Variants in WDR90 observed in about 807,000 individuals in gnomAD.
The protein encoded by WDR90 is WD repeat-containing protein 90.
Under a neutral mutation model 195.2 loss-of-function variants are expected in WDR90, and 238 were observed. That is an observed-to-expected ratio of 1.22 (90% CI 1.10 to 1.36). The LOEUF (loss-of-function observed/expected upper bound fraction) is 1.36. Ranked by LOEUF, WDR90 falls within the 40% of genes most tolerant of loss-of-function variation. WDR90 has a pLI of 0.00. For synonymous variants in WDR90, 1,265 were observed against 1,052.4 expected, an observed-to-expected ratio of 1.20 and a Z score of -3.91; for missense variants, 2,734 against 2,439.5, an observed-to-expected ratio of 1.12 and a Z score of -2.54.
chr16:661,036 C>T lies in WDR90; in HGVS notation c.3392-15C>T, dbSNP rs557125859. 1.4e-5 allele frequency: 19 copies of T among 1,333,720 alleles called. No homozygotes were observed. Among genetic ancestry groups the T allele is most frequent in the Admixed American group, 9.9e-5 (4 of 40,336 alleles). The allele number at this position is 1,333,720 out of a possible 1,614,324, so 82.6% of individuals were successfully genotyped here. ...CCCCCGGCCCGGCCTCAGGCCCCGC[C>T]CTCTCTGCGCACAGGCTTCTTTGCC... On this transcript the variant is annotated splice_polypyrimidine_tract_variant and intron_variant, in intron 28 of 40. Transcript: ENST00000293879.
Position 662,207 on chromosome 16 carries a change from C to T in WDR90, c.4034-13C>T, listed in dbSNP as rs773443163. The T allele has an allele frequency of 6.5e-6, 10 of 1,540,656 alleles. No individual in the cohort carries two copies. The East Asian group carries it at 1.4e-4, about 22-fold the overall frequency. On this transcript the variant is annotated splice_polypyrimidine_tract_variant and intron_variant, in intron 32 of 40. Coordinates refer to ENST00000293879, the MANE Select transcript of WDR90 (RefSeq NM_145294.5). Reference sequence around the variant, plus strand: ...AGGCAGCCGTGGCCCCTTATGGCTCCTCCTGCCCCTAGGGCTGTTGCTGTT... The same window carrying T: ...AGGCAGCCGTGGCCCCTTATGGCTCTTCCTGCCCCTAGGGCTGTTGCTGTT...
rs2037909384 is a variant in WDR90 at position 661,362 on chromosome 16, C to T, written c.3534C>T (p.Gly1178=). The T allele has an allele frequency of 6.2e-7, 1 of 1,607,072 alleles. No homozygotes were observed. The highest frequency in any genetic ancestry group is 1.3e-5 in the African/African-American group (1 of 75,010). Residue 1178 remains glycine (G), a synonymous_variant, in exon 30 of 41, where the codon GGC becomes GGT. Coordinates refer to ENST00000293879, the MANE Select transcript of WDR90 (RefSeq NM_145294.5). ...HSAQVLASAS[G]RSSTTAHCQI... ...GCCAGGTCCTGGCCTCTGCCTCGGGCCGAAGCAGCACGACCGCCCATTGTC... is the reference window on the plus strand; with the variant it reads ...GCCAGGTCCTGGCCTCTGCCTCGGGTCGAAGCAGCACGACCGCCCATTGTC...
At position 653,382 on chromosome 16, in the gene WDR90, C is replaced by G. The variant is rs970809254; in HGVS notation, c.1164C>G (p.Cys388Trp). 4 of 1,603,276 alleles carry G rather than the reference C, an allele frequency of 2.5e-6. No individual in the cohort carries two copies. The highest frequency in any genetic ancestry group is 1.7e-4 in the Middle Eastern group (1 of 5,970). Residue 388 changes from cysteine to tryptophan, a missense_variant, in exon 11 of 41, where the codon TGC becomes TGG. Coordinates refer to ENST00000293879, the MANE Select transcript of WDR90 (RefSeq NM_145294.5). ...ACGGGGCGGCTGTCGTGTACCCCTG[C>G]CATGCGGTCATCGTCGTCCTGCTCG... ...TPDGAAVVYP[C>W]HAVIVVLLVD...
chr16:654,970 C>A, intron 13 of WDR90, 59 bp from the exon 14 acceptor site: 1 of 1,551,188 alleles, frequency 6.4e-7, no homozygotes, highest in Non-Finnish European at 8.9e-7. Flanking sequence ...CTGGGCCTTG[C>A]AGAATCGAGG....
Position 650,062 on chromosome 16 carries a change from T to C in WDR90, c.174T>C (p.Pro58=), listed in dbSNP as rs1372288249. Reference sequence around the variant, plus strand: ...CTGCCGCCAACTACATCCAGCTCCCTAAGAGCAGCACCCAGTCTCTGGGGC... The same window carrying C: ...CTGCCGCCAACTACATCCAGCTCCCCAAGAGCAGCACCCAGTCTCTGGGGC... ...SVSAANYIQL[P]KSSTQSLGLT... The change falls in exon 3 of 41, where the codon CCT becomes CCC. Residue 58 remains proline, a synonymous_variant. Transcript: ENST00000293879. 17 of 1,612,820 alleles carry C rather than the reference T, an allele frequency of 1.1e-5. No individual in the cohort carries two copies. The highest frequency in any genetic ancestry group is 1.7e-5 in the Admixed American group (1 of 60,008).
intron 1 of WDR90, 117 bp from the exon 2 acceptor site, chr16:649,646 C>G: frequency 8.4e-7 from 1 of 1,194,402 alleles, no homozygotes; most frequent in Non-Finnish European, 1.1e-6. Flanking sequence ...GTTGGCGTCG[C>G]CGGGGAAGGC....
intron 40 of WDR90, 143 bp from the exon 41 acceptor site, chr16:667,289 G>T (rs1300734793): frequency 5.2e-6 from 6 of 1,151,134 alleles, no homozygotes; most frequent in Non-Finnish European, 7.2e-6. Context: ...CCAGTGGCAC[G>T]TGGAGGGCAC....
At chr16:664,075 G>A (rs1189627151) in intron 34 of WDR90, among the ~76,000 whole-genome samples, 3 of 152,210 alleles carry the variant, frequency 2.0e-5, no homozygotes, top group Non-Finnish European at 4.4e-5. Context: ...ACAGGTGAGG[G>A]TTGTTTACTT....
chr16:662,479 T>C (rs1024153599), intron 33 of WDR90, 148 bp downstream of exon 33: 13 of 1,194,428 alleles, frequency 1.1e-5, no homozygotes, highest in Non-Finnish European at 1.4e-5. Context: ...GGGTGTGGCC[T>C]GGGCCTCACT....
At position 651,939 on chromosome 16, in the gene WDR90, CCCAG is replaced by C. The variant is rs779352663; in HGVS notation, c.955_958del (p.Gln319TrpfsTer16). On this transcript the variant is annotated frameshift_variant, in exon 9 of 41. Coordinates refer to ENST00000293879, the MANE Select transcript of WDR90 (RefSeq NM_145294.5). LOFTEE classifies it high-confidence loss of function. Reference sequence around the variant, plus strand: ...GGTTTCCATAGCCTTGAGCCCTGGGCCCAGCTGGAGGCCTCTGACATCCACACGG... The same window carrying C: ...GGTTTCCATAGCCTTGAGCCCTGGGCCTGGAGGCCTCTGACATCCACACGG... The C allele has an allele frequency of 8.1e-6, 13 of 1,608,952 alleles. No individual in the cohort carries two copies. Among genetic ancestry groups the C allele is most frequent in the Non-Finnish European group, 9.3e-6 (11 of 1,178,624 alleles).
rs755086228 is a variant in WDR90 at position 658,634 on chromosome 16, A to C, written c.2876A>C (p.Gln959Pro). Residue 959 changes from glutamine (Q) to proline (P), a missense_variant, in exon 23 of 41, where the codon CAG (glutamine) becomes CCG (proline). Coordinates refer to ENST00000293879, the MANE Select transcript of WDR90 (RefSeq NM_145294.5). ...ATCAAGGTGTGGGACTACGCCACAC[A>C]GGCCAGCCCAGGCCCCCAGGTGTGT... ...RTIKVWDYAT[Q>P]ASPGPQVYIG... is the part of the protein sequence containing the mutation. The C allele has an allele frequency of 1.4e-5, 22 of 1,610,786 alleles. No individual in the cohort carries two copies. The South Asian group carries it at 2.4e-4, about 18-fold the overall frequency.
At position 659,245 on chromosome 16, in the gene WDR90, G is replaced by C; in HGVS notation, c.3053G>C (p.Gly1018Ala). The C allele has an allele frequency of 6.2e-7, 1 of 1,611,618 alleles. No individual in the cohort carries two copies. The highest frequency in any genetic ancestry group is 8.5e-7 in the Non-Finnish European group (1 of 1,179,546). ...FPGAPPACKT[G>A]PGAGPLEDAA... ...CATCACAGGGCTGCTTCTTCCCCAGGCCCGGGCGCAGGACCGCTGGAGGAC... is the reference window on the plus strand; with the variant it reads ...CATCACAGGGCTGCTTCTTCCCCAGCCCCGGGCGCAGGACCGCTGGAGGAC... The change falls in exon 26 of 41, where the codon GGC (glycine) becomes GCC (alanine). Residue 1018 changes from glycine (G) to alanine (A), a missense_variant and splice_region_variant. Physicochemically the swap from Gly to Ala is moderately conservative, Grantham distance 60. Transcript: ENST00000293879.
rs751291134 is a variant in WDR90 at position 667,522 on chromosome 16, C to T, written c.5180C>T (p.Pro1727Leu). 1 of 1,612,554 alleles carries T rather than the reference C, an allele frequency of 6.2e-7. No homozygotes were observed. The highest frequency in any genetic ancestry group is 8.5e-7 in the Non-Finnish European group (1 of 1,179,994). ...GCAGTGCACCTGTGCAGGTTTACACCGTCCGCCAGGCTGCTCTTCACGGCC... is the reference window on the plus strand; with the variant it reads ...GCAGTGCACCTGTGCAGGTTTACACTGTCCGCCAGGCTGCTCTTCACGGCC... ...DNAVHLCRFT[P>L]SARLLFTAAR... Residue 1727 changes from proline (P) to leucine (L), a missense_variant, in exon 41 of 41, where the codon CCG (proline) becomes CTG (leucine). Coordinates refer to ENST00000293879, the MANE Select transcript of WDR90 (RefSeq NM_145294.5).
chr16:652,331 G>T, intron 9 of WDR90, 136 bp from the exon 10 acceptor site: 1 of 1,085,378 alleles, frequency 9.2e-7, no homozygotes, highest in South Asian at 1.6e-5. Flanking sequence ...ACCACAGCCA[G>T]CAGGAGCCAC....
chr16:660,222 G>C, intron 27 of WDR90, 61 bp downstream of exon 27: 1 of 1,398,586 alleles, frequency 7.2e-7, no homozygotes, highest in Non-Finnish European at 9.5e-7. Context: ...CCCCCGCAGG[G>C]CTCCCCAGCA....
chr16:666,869 C>T (rs760650715), intron 39 of WDR90, 36 bp from the exon 40 acceptor site: 2 of 1,612,962 alleles, frequency 1.2e-6, no homozygotes, highest in Admixed American at 1.7e-5. Flanking sequence ...GAGCCCTGAG[C>T]CCACAGGCCT....
chr16:656,403 CG>C lies in WDR90; in HGVS notation c.2071del (p.Val691CysfsTer100), dbSNP rs1331124171. 3 of 1,608,036 alleles carry C rather than the reference CG, an allele frequency of 1.9e-6. No homozygotes were observed. In the African/African-American group the frequency reaches 4.0e-5, roughly 21 times the overall value. ...GHLGFLDTLS[R>X]VYHMLARSHT... ...CCTGGGCTTCCTGGACACGCTGTCCCGGGTGTACCACATGCTGGCTCGCTCC... is the reference window on the plus strand; with the variant it reads ...CCTGGGCTTCCTGGACACGCTGTCCCGGTGTACCACATGCTGGCTCGCTCC... On this transcript the variant is annotated frameshift_variant, in exon 18 of 41. Transcript: ENST00000293879. LOFTEE classifies it high-confidence loss of function.
intron 36 of WDR90, 27 bp downstream of exon 36, chr16:666,151 G>C: frequency 1.2e-6 from 2 of 1,606,836 alleles, no homozygotes; most frequent in Non-Finnish European, 1.7e-6. Context: ...GTTGGGGATG[G>C]TGCCGTCCTG....
Position 656,437 on chromosome 16 carries a change from C to A in WDR90, c.2102C>A (p.Ala701Asp). The change falls in exon 18 of 41, where the codon GCC becomes GAC. Residue 701 changes from alanine (A) to aspartate (D), a missense_variant. Transcript: ENST00000293879. ...CACATGCTGGCTCGCTCCCACACCGCCCCGGTGTTGGCCCTCGCCATGGAG... is the reference window on the plus strand; with the variant it reads ...CACATGCTGGCTCGCTCCCACACCGACCCGGTGTTGGCCCTCGCCATGGAG... ...VYHMLARSHT[A>D]PVLALAMEQR... The A allele has an allele frequency of 6.2e-7, 1 of 1,602,280 alleles. No individual in the cohort carries two copies. The highest frequency in any genetic ancestry group is 8.5e-7 in the Non-Finnish European group (1 of 1,177,252).
Sources: allele counts gnomAD v4.1 joint callset (sites outside exome capture counted in the v4.1 genomes callset), GRCh38; gene constraint gnomAD v4.1.1; transcripts MANE v1.5; gene names NCBI Gene and HGNC (gene_info 2026-07-23, HGNC 2026-07-21).